The following BMAL2 variants were observed in gnomAD, a reference collection of about 807,000 sequenced individuals.
The protein encoded by BMAL2 is basic helix-loop-helix ARNT like 2, also known as basic helix-loop-helix ARNT-like protein 2.
At chr12:27,379,008 C>T in the BMAL2 span, among the ~76,000 whole-genome samples, 1 of 151,886 alleles carries the variant, frequency 6.6e-6, no homozygotes. Flanking sequence ...ATAAAATACA[C>T]TAACACTAAT....
chr12:27,339,313 A>G, the BMAL2 span, among the ~76,000 whole-genome samples: 1 of 152,202 alleles, frequency 6.6e-6, no homozygotes, highest in Non-Finnish European at 1.5e-5. Flanking sequence ...TGGCTACATA[A>G]TATTCCATGG....
the BMAL2 span, among the ~76,000 whole-genome samples, chr12:27,338,613 T>A: frequency 3.3e-5 from 5 of 152,190 alleles, no homozygotes; most frequent in Non-Finnish European, 5.9e-5. Context: ...AGAACTGGCC[T>A]ACTGAAAAGT....
the BMAL2 span, among the ~76,000 whole-genome samples, chr12:27,407,339 G>A: frequency 6.9e-3 from 1,044 of 152,194 alleles, 13 homozygotes; most frequent in African/African-American, 0.024. Context: ...CCACATAGTT[G>A]GAAGTAAAGC....
At chr12:27,371,410 A>G in the BMAL2 span, among the ~76,000 whole-genome samples, 1 of 152,132 alleles carries the variant, frequency 6.6e-6, no homozygotes, top group Non-Finnish European at 1.5e-5. Flanking sequence ...AATGGAGAAG[A>G]TATTTTAGGT....
At chr12:27,389,729 C>T in the BMAL2 span, 2 of 181,358 alleles carry the variant, frequency 1.1e-5, no homozygotes, top group South Asian at 1.6e-4. Context: ...TTTTTCTTCT[C>T]TGAAAATGCC....
At chr12:27,341,901 C>T in the BMAL2 span, among the ~76,000 whole-genome samples, 1 of 152,122 alleles carries the variant, frequency 6.6e-6, no homozygotes, top group Non-Finnish European at 1.5e-5. Flanking sequence ...AGTGTGGTGA[C>T]ATCAGGAGAT....
At chr12:27,349,542 A>C in the BMAL2 span, among the ~76,000 whole-genome samples, 1 of 152,190 alleles carries the variant, frequency 6.6e-6, no homozygotes, top group East Asian at 1.9e-4. Flanking sequence ...CTCAGACCTC[A>C]GTCAGTTTTA....
At chr12:27,346,899 C>T in the BMAL2 span, among the ~76,000 whole-genome samples, 3 of 152,040 alleles carry the variant, frequency 2.0e-5, no homozygotes, top group Non-Finnish European at 4.4e-5. Flanking sequence ...TGAGGGTAAA[C>T]GAGTTCTCAC....
At chr12:27,419,256 A>G in the BMAL2 span, among the ~76,000 whole-genome samples, 1 of 152,236 alleles carries the variant, frequency 6.6e-6, no homozygotes, top group Non-Finnish European at 1.5e-5. Context: ...CTATAACAGA[A>G]TACCACAGAT....
At chr12:27,356,467 T>TA in the BMAL2 span, among the ~76,000 whole-genome samples, 2 of 152,182 alleles carry the variant, frequency 1.3e-5, no homozygotes, top group African/African-American at 2.4e-5. Flanking sequence ...ACATCAGTTT[T>TA]ACGCTGTGGC....
chr12:27,350,494 G>A, the BMAL2 span, among the ~76,000 whole-genome samples: 2 of 152,204 alleles, frequency 1.3e-5, no homozygotes, highest in African/African-American at 4.8e-5. Context: ...ATGTTCCACA[G>A]AAGTGGCTCA....
the BMAL2 span, among the ~76,000 whole-genome samples, chr12:27,339,255 T>C: frequency 6.6e-6 from 1 of 152,208 alleles, no homozygotes; most frequent in Non-Finnish European, 1.5e-5. Context: ...GATAATGGCC[T>C]CCAGTTCCAT....
At chr12:27,371,647 T>A in the BMAL2 span, among the ~76,000 whole-genome samples, 2 of 152,140 alleles carry the variant, frequency 1.3e-5, no homozygotes, top group African/African-American at 4.8e-5. Context: ...AAGAACTTGA[T>A]CAGATTTATA....
At chr12:27,373,264 A>T in the BMAL2 span, among the ~76,000 whole-genome samples, 1 of 152,204 alleles carries the variant, frequency 6.6e-6, no homozygotes, top group Non-Finnish European at 1.5e-5. Flanking sequence ...GGGAGAGGAT[A>T]TAAAGTGTGC....
chr12:27,350,760 A>G, the BMAL2 span, among the ~76,000 whole-genome samples: 3 of 147,392 alleles, frequency 2.0e-5, no homozygotes, highest in African/African-American at 7.6e-5. Context: ...GCTCACTGCA[A>G]CCTCCTCCTC....
chr12:27,336,393 G>A, the BMAL2 span, among the ~76,000 whole-genome samples: 1 of 152,178 alleles, frequency 6.6e-6, no homozygotes, highest in Non-Finnish European at 1.5e-5. Context: ...AGTGGCAGGA[G>A]CCAGTGGGAA....
At chr12:27,341,156 G>A in the BMAL2 span, among the ~76,000 whole-genome samples, 2 of 113,396 alleles carry the variant, frequency 1.8e-5, no homozygotes, top group Non-Finnish European at 4.6e-5. Context: ...GAGTAAGAGT[G>A]GTAAGACAGG....
At chr12:27,370,963 T>G in the BMAL2 span, among the ~76,000 whole-genome samples, 1 of 152,138 alleles carries the variant, frequency 6.6e-6, no homozygotes, top group African/African-American at 2.4e-5. Context: ...CATTAAACAT[T>G]TATTGGGTTG....
chr12:27,407,461 A>G, the BMAL2 span, among the ~76,000 whole-genome samples: 2 of 152,216 alleles, frequency 1.3e-5, no homozygotes, highest in African/African-American at 2.4e-5. Flanking sequence ...ACTCAACTAC[A>G]TGGAAACTGA....
Sources: gnomAD v4.1 joint callset for allele counts (sites outside exome capture counted in the v4.1 genomes callset) on GRCh38, gnomAD v4.1.1 for gene constraint, MANE v1.5 for transcripts, NCBI Gene and HGNC (gene_info 2026-07-23, HGNC 2026-07-21) for gene names.